BPTF: variants seen among roughly 807,000 people sequenced by gnomAD.
The protein encoded by BPTF is nucleosome-remodeling factor subunit BPTF.
BPTF carries 18 observed loss-of-function variants against 292.5 expected under a neutral mutation model. That is an observed-to-expected ratio of 0.06 (90% CI 0.04 to 0.09). The LOEUF (loss-of-function observed/expected upper bound fraction) is 0.09. Ranked by LOEUF, BPTF falls within the 10% of genes least tolerant of loss-of-function variation. The pLI, the probability that BPTF is intolerant of heterozygous loss-of-function variation, is 1.00. For synonymous variants in BPTF, 1,225 were observed against 1,251.9 expected (o/e 0.98, Z 0.45); for missense variants, 2,726 against 3,498.7 (o/e 0.78, Z 5.57).
chr17:67,948,908 C>A (rs1598851863), intron 23 of BPTF, among the ~76,000 whole-genome samples: 2 of 152,090 alleles, frequency 1.3e-5, no homozygotes, highest in African/African-American at 4.8e-5. Flanking sequence ...TTGAGCCTGG[C>A]AGGTTGAAGC....
chr17:67,885,915 C>T (rs1018774566), intron 4 of BPTF, among the ~76,000 whole-genome samples: 1 of 151,826 alleles, frequency 6.6e-6, no homozygotes, highest in South Asian at 2.1e-4. Context: ...CCTCACCCCC[C>T]CAAAAAAAGT....
At chr17:67,845,900 A>G (rs62084213) in intron 1 of BPTF, among the ~76,000 whole-genome samples, 30,882 of 151,618 alleles carry the variant, frequency 0.2, 3,963 homozygotes, top group East Asian at 0.66. Context: ...ATGTTTACCA[A>G]ACTATCCTAG....
At chr17:67,931,508 A>G (rs866204399) in intron 17 of BPTF, among the ~76,000 whole-genome samples, 1 of 152,124 alleles carries the variant, frequency 6.6e-6, no homozygotes, top group Admixed American at 6.5e-5. Flanking sequence ...AATAATTTTT[A>G]AAAAACTATG....
chr17:67,893,003 C>T (rs1163228617), intron 5 of BPTF, among the ~76,000 whole-genome samples: 4 of 151,924 alleles, frequency 2.6e-5, no homozygotes, highest in African/African-American at 2.4e-5. Context: ...ATAGTACATG[C>T]GATGCCCTTC....
intron 23 of BPTF, among the ~76,000 whole-genome samples, chr17:67,954,476 G>A (rs1555680038): frequency 6.6e-6 from 1 of 152,070 alleles, no homozygotes; most frequent in African/African-American, 2.4e-5. Flanking sequence ...CCAACAGGGA[G>A]CCGGCTCTTA....
intron 23 of BPTF, chr17:67,951,640 C>T (rs548763771): frequency 6.6e-6 from 1 of 152,230 alleles, no homozygotes; most frequent in South Asian, 2.1e-4. Context: ...AATCTAACCC[C>T]CAAAGACAAT....
chr17:67,976,709 AAAAAAAT>A (rs1568232707), intron 27 of BPTF, among the ~76,000 whole-genome samples: 3 of 139,800 alleles, frequency 2.1e-5, no homozygotes, highest in African/African-American at 8.0e-5. Context: ...AAAAAAAAAA[AAAAAAAT>A]AAGAATAAAA....
intron 4 of BPTF, among the ~76,000 whole-genome samples, chr17:67,883,067 G>T: frequency 6.6e-6 from 1 of 150,758 alleles, no homozygotes; most frequent in Non-Finnish European, 1.5e-5. Flanking sequence ...TATAATCCCA[G>T]CGCTTTGGGA....
intron 1 of BPTF, among the ~76,000 whole-genome samples, chr17:67,846,518 G>A (rs2058040632): frequency 1.3e-5 from 2 of 152,114 alleles, no homozygotes; most frequent in African/African-American, 4.8e-5. Context: ...TTTTTGTTCA[G>A]GTCTCATACT....
At chr17:67,893,895 A>G (rs1312302370) in intron 6 of BPTF, 139 bp from the exon 7 acceptor site, 2 of 1,205,920 alleles carry the variant, frequency 1.7e-6, no homozygotes, top group Non-Finnish European at 2.4e-6. Context: ...CTGAACCGAC[A>G]CCACTAACTA....
chr17:67,931,764 C>T (rs914382243), intron 17 of BPTF, 147 bp from the exon 18 acceptor site: 18 of 563,412 alleles, frequency 3.2e-5, no homozygotes, highest in Non-Finnish European at 5.1e-5. Context: ...ATGTTTAATA[C>T]AATTTAAAAT....
chr17:67,917,131 CT>C (rs943348736), intron 11 of BPTF, among the ~76,000 whole-genome samples: 6,427 of 105,728 alleles, frequency 0.061, 270 homozygotes, highest in South Asian at 0.14. Context: ...TGGTATTGTC[CT>C]TTTTTTTTTT....
intron 19 of BPTF, among the ~76,000 whole-genome samples, chr17:67,943,335 G>A (rs1319471184): frequency 2.6e-5 from 4 of 152,144 alleles, no homozygotes; most frequent in African/African-American, 7.2e-5. Flanking sequence ...TGGACTTTGC[G>A]CCATCAGTTT....
At chr17:67,901,498 A>G (rs747903509) in intron 7 of BPTF, among the ~76,000 whole-genome samples, 3 of 152,230 alleles carry the variant, frequency 2.0e-5, no homozygotes, top group Non-Finnish European at 4.4e-5. Flanking sequence ...CAAAAGACAG[A>G]TGACAAACCG....
rs892126767 is a variant in BPTF, at chr17:67,949,686, T to C, written c.7926+1380T>C. 4.6e-4 allele frequency among the ~76,000 whole-genome samples: 69 copies of C among 150,460 alleles called. 1 individual carries two copies. The highest frequency in any genetic ancestry group is 2.7e-4 in the African/African-American group (11 of 40,830). ...ACATATATATATATACACACAGACA[T>C]ACATATATATATACACACATGTATA... On this transcript the variant is annotated intron_variant, in intron 23 of 27. Coordinates refer to ENST00000306378, the MANE Select transcript of BPTF (RefSeq NM_182641.4).
intron 26 of BPTF, among the ~76,000 whole-genome samples, chr17:67,972,535 C>T (rs1030280244): frequency 2.0e-5 from 3 of 152,086 alleles, no homozygotes; most frequent in Non-Finnish European, 4.4e-5. Context: ...TGAGCCACTG[C>T]GTCTGGCTAT....
At chr17:67,935,761 G>A (rs1356419607) in intron 18 of BPTF, among the ~76,000 whole-genome samples, 1 of 152,068 alleles carries the variant, frequency 6.6e-6, no homozygotes, top group Non-Finnish European at 1.5e-5. Context: ...GGTCAAGGCA[G>A]GGAGAATTGC....
At chr17:67,832,677 C>T (rs112352201) in intron 1 of BPTF, among the ~76,000 whole-genome samples, 3 of 151,818 alleles carry the variant, frequency 2.0e-5, no homozygotes, top group Non-Finnish European at 4.4e-5. Context: ...GTTTTTATAC[C>T]CCCGCAAAAG....
intron 7 of BPTF, among the ~76,000 whole-genome samples, chr17:67,900,406 A>G (rs1388101399): frequency 1.3e-5 from 2 of 152,002 alleles, no homozygotes; most frequent in Non-Finnish European, 2.9e-5. Context: ...CGTTCAGCCA[A>G]ATGTAACAAG....
Sources: allele counts gnomAD v4.1 joint callset (sites outside exome capture counted in the v4.1 genomes callset), GRCh38; gene constraint gnomAD v4.1.1; transcripts MANE v1.5; gene names NCBI Gene and HGNC (gene_info 2026-07-23, HGNC 2026-07-21).